MCFD2: variants seen among roughly 807,000 people sequenced by gnomAD.
MCFD2 encodes the protein multiple coagulation factor deficiency 2, ER cargo receptor complex subunit.
Under a neutral mutation model 12.8 loss-of-function variants are expected in MCFD2, and 11 were observed. That is an observed-to-expected ratio of 0.86 (90% CI 0.54 to 1.42). The LOEUF is 1.42. Among genes scored for constraint, MCFD2 ranks in the 40% most tolerant of loss-of-function variants. The pLI is 0.00. For synonymous variants in MCFD2, 70 were observed against 68.1 expected (o/e 1.03, Z -0.14); for missense variants, 191 against 178.6 (o/e 1.07, Z -0.40).
Position 46,941,600 on chromosome 2 carries a change from G to A in MCFD2, c.-36C>T, listed in dbSNP as rs762989436. The A allele has an allele frequency of 3.9e-5, 60 of 1,556,812 alleles. No homozygotes were observed. In the Middle Eastern group the frequency reaches 8.4e-4, roughly 22 times the overall value. On this transcript the variant is annotated 5_prime_UTR_variant, in exon 1 of 3. Transcript: ENST00000409147. This position sits in a 1 kb window ranked among gnomAD's most constrained non-coding sequence, Gnocchi z 4.2. ...AAGGTGGAGAGCGAGCTGGAGCGCT[G>A]CCGCGCCGAGGGCCACTGGGACCGC... is the stretch of plus-strand genomic sequence containing the variant.
intron 3 of MCFD2, chr2:46,906,830 G>C (rs1222833913): frequency 6.6e-6 from 1 of 152,060 alleles, no homozygotes; most frequent in Non-Finnish European, 1.5e-5. Flanking sequence ...TAGAAAATGG[G>C]AGGGTTTTGT....
chr2:46,934,353 G>A (rs1669858664), intron 1 of MCFD2, among the ~76,000 whole-genome samples: 1 of 152,160 alleles, frequency 6.6e-6, no homozygotes, highest in African/African-American at 2.4e-5. Flanking sequence ...CTGCCTTCCG[G>A]GTTCAAGCAA....
upstream of MCFD2, chr2:46,916,036 AG>A: frequency 1.1e-5 from 11 of 985,386 alleles, no homozygotes; most frequent in Non-Finnish European, 1.3e-5. Context: ...TGGACGCCCT[AG>A]GGGCCCGGCA....
intron 1 of MCFD2, among the ~76,000 whole-genome samples, chr2:46,934,714 C>T (rs978985257): frequency 1.3e-5 from 2 of 150,380 alleles, no homozygotes; most frequent in South Asian, 2.1e-4. Flanking sequence ...CAAAAAAACC[C>T]GCACTTCAAA....
rs1014613198 is a variant in MCFD2, at chr2:46,902,311, T to C, written c.*3152A>G. 2.6e-5 allele frequency: 4 copies of C among 152,696 alleles called. No homozygotes were observed. The highest frequency in any genetic ancestry group is 9.6e-5 in the African/African-American group (4 of 41,464). The allele number at this position is 152,696 out of a possible 1,614,324, so 9.5% of individuals were successfully genotyped here. On this transcript the variant is annotated 3_prime_UTR_variant, in exon 4 of 4. Transcript: ENST00000319466. ...CAACAATATCCCTCTTGACTAGAAC[T>C]TCTATCTGATTAATCATTGTTTGGT...
Position 46,915,793 on chromosome 2 carries a change from C to T in MCFD2, c.-77G>A. 3 of 873,338 alleles carry T rather than the reference C, an allele frequency of 3.4e-6. No individual in the cohort carries two copies. The highest frequency in any genetic ancestry group is 4.0e-6 in the Non-Finnish European group (3 of 746,698). 54.1% of individuals were successfully genotyped at this position (873,338 alleles called of 1,614,324 possible). A position where few individuals can be genotyped will look rare whatever the true frequency, so the allele number is the denominator to read the frequency against. ...CACCAGCCCCCGTCCCCAAAACGCT[C>T]TTCCTCGGCTTCGCCCCGCCCCCCC... On this transcript the variant is annotated 5_prime_UTR_variant, in exon 1 of 4. Coordinates refer to ENST00000319466, the MANE Select transcript of MCFD2 (RefSeq NM_139279.6).
In MCFD2 at chr2:46,905,281, G is replaced by A. The variant is rs1452359121; in HGVS notation, c.*182C>T. ...TAATAGCACTTAGGGACTATTAGATGTCCCATTTCTCTTCTCTTTCATTTC... is the reference window on the plus strand; with the variant it reads ...TAATAGCACTTAGGGACTATTAGATATCCCATTTCTCTTCTCTTTCATTTC... On this transcript the variant is annotated 3_prime_UTR_variant, in exon 4 of 4. Coordinates refer to ENST00000319466, the MANE Select transcript of MCFD2 (RefSeq NM_139279.6). 2 of 674,642 alleles carry A rather than the reference G, an allele frequency of 3.0e-6. No individual in the cohort carries two copies. Among genetic ancestry groups the A allele is most frequent in the East Asian group, 2.8e-5 (1 of 35,492 alleles). The allele number at this position is 674,642 out of a possible 1,614,324, so 41.8% of individuals were successfully genotyped here.
rs1670361690 is a variant in MCFD2, at chr2:46,941,421, G to A, written c.-8+151C>T. The A allele has an allele frequency of 3.8e-6, 4 of 1,053,308 alleles. No individual in the cohort carries two copies. The highest frequency in any genetic ancestry group is 4.6e-5 in the Admixed American group (1 of 21,902). 65.2% of individuals were successfully genotyped at this position (1,053,308 alleles called of 1,614,324 possible). A position where few individuals can be genotyped will look rare whatever the true frequency, so the allele number is the denominator to read the frequency against. The stretch of plus-strand genomic sequence containing the variant: ...CCGCCCGGGCCCCCGCTGCCGCCCG[G>A]GCCCCGGCTGCCGTCTGCGCCCCCG... On this transcript the variant is annotated intron_variant, in intron 1 of 2. Coordinates refer to the MCFD2 transcript ENST00000409147. This position sits in a 1 kb window ranked among gnomAD's most constrained non-coding sequence, Gnocchi z 4.2.
chr2:46,907,532 G>GCACTAC lies in MCFD2; in HGVS notation c.309+272_309+277dup. ...CCTGAGTACGTAGAACTACGGGCAT[G>GCACTAC]CACTACCAGGCCTGGCTAATTTTTT... On this transcript the variant is annotated intron_variant, in intron 3 of 3. Transcript: ENST00000319466. The surrounding 1 kb of genome is among the most constrained non-coding windows in gnomAD (Gnocchi z 4.1). 1 of 426,606 alleles carries GCACTAC rather than the reference G, an allele frequency of 2.3e-6. No homozygotes were observed. The highest frequency in any genetic ancestry group is 4.4e-6 in the Non-Finnish European group (1 of 227,062). The allele number at this position is 426,606 out of a possible 1,614,324, so 26.4% of individuals were successfully genotyped here.
Position 46,908,047 on chromosome 2 carries a change from C to G in MCFD2, c.150-78G>C, listed in dbSNP as rs938355821. The stretch of plus-strand genomic sequence containing the variant: ...GAAATCTTAAGGACTCTGAAAAGTT[C>G]AAGATCTTAAACTTCCTCCAGCTCA... On this transcript the variant is annotated intron_variant, in intron 2 of 3. Transcript: ENST00000319466. The surrounding 1 kb of genome is among the most constrained non-coding windows in gnomAD (Gnocchi z 4.5). 4.6e-6 allele frequency: 7 copies of G among 1,537,308 alleles called. No homozygotes were observed. The Admixed American group carries it at 1.2e-4, about 26-fold the overall frequency.
chr2:46,917,210 G>A (rs1411345959), upstream of MCFD2: 2 of 700,628 alleles, frequency 2.9e-6, no homozygotes, highest in Non-Finnish European at 2.6e-6. Context: ...TGCCCAGCTC[G>A]TCTCGAACTC....
In MCFD2 at chr2:46,915,773, G is replaced by T; in HGVS notation, c.-57C>A. 1 of 943,758 alleles carries T rather than the reference G, an allele frequency of 1.1e-6. No individual in the cohort carries two copies. The highest frequency in any genetic ancestry group is 1.2e-6 in the Non-Finnish European group (1 of 804,666). The allele number at this position is 943,758 out of a possible 1,614,324, so 58.5% of individuals were successfully genotyped here. Reference sequence around the variant, plus strand: ...AAGCCCTCCAACGTGAGCCTCACCAGCCCCCGTCCCCAAAACGCTCTTCCT... The same window carrying T: ...AAGCCCTCCAACGTGAGCCTCACCATCCCCCGTCCCCAAAACGCTCTTCCT... On this transcript the variant is annotated 5_prime_UTR_variant, in exon 1 of 4. It adds an upstream start codon to the 5' untranslated region. Transcript: ENST00000319466.
intron 1 of MCFD2, among the ~76,000 whole-genome samples, 189 bp downstream of exon 1, chr2:46,915,534 C>G (rs898603498): frequency 6.6e-6 from 1 of 152,170 alleles, no homozygotes; most frequent in Non-Finnish European, 1.5e-5. Flanking sequence ...TCCAGAGCCC[C>G]CGGTGGGGCA....
At chr2:46,932,971 G>T (rs1253673017) in intron 1 of MCFD2, among the ~76,000 whole-genome samples, 1 of 152,100 alleles carries the variant, frequency 6.6e-6, no homozygotes, top group Non-Finnish European at 1.5e-5. Flanking sequence ...TCTCTGAGTG[G>T]CCAGACACTC....
At chr2:46,918,255 C>G (rs1668917482), upstream of MCFD2, among the ~76,000 whole-genome samples, 1 of 152,176 alleles carries the variant, frequency 6.6e-6, no homozygotes, top group African/African-American at 2.4e-5. Context: ...AGCTAAAATT[C>G]TACGAGCTGT....
chr2:46,927,668 A>AT (rs1669460851), intron 1 of MCFD2, among the ~76,000 whole-genome samples: 1 of 151,916 alleles, frequency 6.6e-6, no homozygotes, highest in Non-Finnish European at 1.5e-5. Context: ...CAAAAAAAAG[A>AT]TTATTATTAA....
At position 46,902,092 on chromosome 2, in the gene MCFD2, T is replaced by A. The variant is rs1668036532; in HGVS notation, c.*3371A>T. The A allele has an allele frequency of 6.5e-6, 1 of 152,680 alleles. No individual in the cohort carries two copies. The highest frequency in any genetic ancestry group is 1.9e-4 in the East Asian group (1 of 5,206). The allele number at this position is 152,680 out of a possible 1,614,324, so 9.5% of individuals were successfully genotyped here. On this transcript the variant is annotated 3_prime_UTR_variant, in exon 4 of 4. Transcript: ENST00000319466. ...TACGACAAATTTTGTAGTCTCTTTT[T>A]CCCATTCAATCATCGTTTCAGGTTT...
chr2:46,941,762 C>A lies in MCFD2; in HGVS notation c.-198G>T, dbSNP rs1193966424. ...AAGAGGCTGGCTCGCCGGCAGCGAG[C>A]GCGCGAAACGCACCGCCTCCTCCAG... On this transcript the variant is annotated 5_prime_UTR_variant, in exon 1 of 3. Transcript: ENST00000409147. The surrounding 1 kb of genome is among the most constrained non-coding windows in gnomAD (Gnocchi z 4.2). The A allele has an allele frequency of 1.3e-6, 2 of 1,546,242 alleles. No individual in the cohort carries two copies. Among genetic ancestry groups the A allele is most frequent in the Non-Finnish European group, 1.7e-6 (2 of 1,145,304 alleles).
intron 1 of MCFD2, among the ~76,000 whole-genome samples, chr2:46,922,166 T>A (rs1023800218): frequency 6.6e-6 from 1 of 152,106 alleles, no homozygotes; most frequent in Non-Finnish European, 1.5e-5. Flanking sequence ...TAGTTACTTA[T>A]AGATTCTGAT....
Sources: allele counts gnomAD v4.1 joint callset (sites outside exome capture counted in the v4.1 genomes callset), GRCh38; gene constraint gnomAD v4.1.1; non-coding constraint Gnocchi (gnomAD v3.1); transcripts MANE v1.5; gene names NCBI Gene and HGNC (gene_info 2026-07-23, HGNC 2026-07-21).